The following ABHD2 variants were observed in gnomAD, a reference collection of about 807,000 sequenced individuals.
ABHD2 encodes monoacylglycerol lipase ABHD2.
In ABHD2, 20 loss-of-function variants were observed where a neutral mutation model predicts 48.1. That is an observed-to-expected ratio of 0.42 (90% confidence interval 0.29 to 0.60). The LOEUF is 0.60. ABHD2 is among the 20% of genes least tolerant of loss of function. The pLI is 0.24. For missense variants in ABHD2, 405 were observed against 550.9 expected, an observed-to-expected ratio of 0.74 and a Z score of 2.65; for synonymous variants, 209 against 214.2, an observed-to-expected ratio of 0.98 and a Z score of 0.21.
the ABHD2 span, among the ~76,000 whole-genome samples, chr15:89,051,689 G>T: frequency 3.3e-5 from 5 of 152,140 alleles, no homozygotes; most frequent in Non-Finnish European, 7.4e-5. Context: ...TTTTATAAAG[G>T]AGAGTTCCCC....
intron 5 of ABHD2, among the ~76,000 whole-genome samples, chr15:89,165,344 A>G (rs1180756859): frequency 6.6e-6 from 1 of 152,198 alleles, no homozygotes; most frequent in Non-Finnish European, 1.5e-5. Flanking sequence ...ATAGTTCATA[A>G]ATTCTTTAAA....
intron 3 of ABHD2, among the ~76,000 whole-genome samples, chr15:89,138,469 T>C (rs752894855): frequency 6.6e-6 from 1 of 152,242 alleles, no homozygotes; most frequent in Non-Finnish European, 1.5e-5. Context: ...TTTGGGGAGA[T>C]ATTCAGTATG....
At chr15:89,163,486 T>C (rs2050792802) in intron 5 of ABHD2, among the ~76,000 whole-genome samples, 1 of 152,156 alleles carries the variant, frequency 6.6e-6, no homozygotes, top group South Asian at 2.1e-4. Flanking sequence ...GCCTCAGAGG[T>C]AGGTTTTAAT....
chr15:89,195,619 C>T lies in ABHD2; in HGVS notation c.*196C>T, dbSNP rs1199269230. The T allele has an allele frequency of 2.1e-5, 12 of 559,966 alleles. No individual in the cohort carries two copies. Among genetic ancestry groups the T allele is most frequent in the Admixed American group, 3.4e-5 (1 of 29,070 alleles). The allele number at this position is 559,966 out of a possible 1,614,324, so 34.7% of individuals were successfully genotyped here. ...TCCAGGCTATTTTTGTGCTTAGTTA[C>T]TGGTTTTCTCCATTGCATTGTTAGG... is the stretch of plus-strand genomic sequence containing the variant. On this transcript the variant is annotated 3_prime_UTR_variant, in exon 11 of 11. Transcript: ENST00000352732. This position sits in a 1 kb window ranked among gnomAD's most constrained non-coding sequence, Gnocchi z 5.1.
At chr15:89,083,305 C>T (rs1299064954), upstream of ABHD2, among the ~76,000 whole-genome samples, 3 of 152,074 alleles carry the variant, frequency 2.0e-5, no homozygotes, top group East Asian at 1.9e-4. This position sits in a 1 kb window ranked among gnomAD's most constrained non-coding sequence, Gnocchi z 5.1. Flanking sequence ...CAAGTTTTAT[C>T]GACTGTTTTG....
chr15:89,074,002 C>A, the ABHD2 span, among the ~76,000 whole-genome samples: 1 of 152,160 alleles, frequency 6.6e-6, no homozygotes, highest in Non-Finnish European at 1.5e-5. Context: ...TTGGGATTGG[C>A]GGACCTGAAT....
At position 89,168,049 on chromosome 15, in the gene ABHD2, G is replaced by C. The variant is rs1567100873; in HGVS notation, c.539-7763G>C. On this transcript the variant is annotated intron_variant, in intron 5 of 10. Coordinates refer to ENST00000352732, the MANE Select transcript of ABHD2 (RefSeq NM_152924.5). This position sits in a 1 kb window ranked among gnomAD's most constrained non-coding sequence, Gnocchi z 4.8. ...ATGGAACATACAGAGATGACTCAGA[G>C]TCTCCATCCACAAGGAACACCAAGT... Among the ~76,000 whole-genome samples, 1 of 152,162 alleles carries C rather than the reference G, an allele frequency of 6.6e-6. No individual in the cohort carries two copies. The highest frequency in any genetic ancestry group is 1.5e-5 in the Non-Finnish European group (1 of 68,040).
At position 89,116,393 on chromosome 15, in the gene ABHD2, G is replaced by C. The variant is rs1308160704; in HGVS notation, c.66G>C (p.Val22=). ...AVFDGVKLAA[V]AAVLYVIVRC... ...TTGATGGAGTGAAGCTGGCTGCAGT[G>C]GCTGCTGTGCTGTACGTGATCGTCC... The change falls in exon 3 of 11, where the codon GTG becomes GTC. Residue 22 remains valine, a synonymous_variant. Transcript: ENST00000352732. This position sits in a 1 kb window ranked among gnomAD's most constrained non-coding sequence, Gnocchi z 4.6. The C allele has an allele frequency of 6.2e-7, 1 of 1,614,102 alleles. No homozygotes were observed. Among genetic ancestry groups the C allele is most frequent in the Non-Finnish European group, 8.5e-7 (1 of 1,180,052 alleles).
Position 89,182,950 on chromosome 15 carries a change from C to A in ABHD2, c.723-2474C>A, listed in dbSNP as rs371987468. Among the ~76,000 whole-genome samples the A allele has an allele frequency of 6.6e-6, 1 of 152,116 alleles. No homozygotes were observed. The highest frequency in any genetic ancestry group is 1.5e-5 in the Non-Finnish European group (1 of 68,014). On this transcript the variant is annotated intron_variant, in intron 6 of 10. Transcript: ENST00000352732. This position sits in a 1 kb window ranked among gnomAD's most constrained non-coding sequence, Gnocchi z 4.8. ...CCAGCTCCAATAACATGAATTCATA[C>A]CCCCATCTTGTTTCCTCTACACCTA...
At chr15:89,135,457 C>T (rs1257945932) in intron 3 of ABHD2, 4 of 707,222 alleles carry the variant, frequency 5.7e-6, no homozygotes, top group Non-Finnish European at 9.8e-6. Flanking sequence ...CACAGCCTTA[C>T]ATTTCAGTTT....
Position 89,188,143 on chromosome 15 carries a change from T to G in ABHD2, c.816-50T>G, listed in dbSNP as rs1274778134. 1.4e-5 allele frequency: 22 copies of G among 1,532,758 alleles called. No homozygotes were observed. The highest frequency in any genetic ancestry group is 1.9e-5 in the Non-Finnish European group (21 of 1,106,854). The allele number at this position is 1,532,758 out of a possible 1,614,324, so 94.9% of individuals were successfully genotyped here. On this transcript the variant is annotated intron_variant, in intron 7 of 10. Coordinates refer to ENST00000352732, the MANE Select transcript of ABHD2 (RefSeq NM_152924.5). The surrounding 1 kb of genome is among the most constrained non-coding windows in gnomAD (Gnocchi z 4.1). ...GGCAAGGAAGCAGGCTATGCCATGG[T>G]TGTTCATCCTCCACATCTTAATCTC...
chr15:89,120,593 T>C lies in ABHD2; in HGVS notation c.194+4072T>C, dbSNP rs2050034146. Among the ~76,000 whole-genome samples the C allele has an allele frequency of 6.6e-6, 1 of 152,144 alleles. No homozygotes were observed. The highest frequency in any genetic ancestry group is 6.6e-5 in the Admixed American group (1 of 15,262). Reference sequence around the variant, plus strand: ...CTTCTGCCTCACGGGTTCAAGTGATTCTCCTACCTCAGCCTCCTGAGTAGC... The same window carrying C: ...CTTCTGCCTCACGGGTTCAAGTGATCCTCCTACCTCAGCCTCCTGAGTAGC... On this transcript the variant is annotated intron_variant, in intron 3 of 10. Transcript: ENST00000352732. This position sits in a 1 kb window ranked among gnomAD's most constrained non-coding sequence, Gnocchi z 4.2.
At chr15:89,161,819 G>C (rs1003076984) in intron 5 of ABHD2, among the ~76,000 whole-genome samples, 25 of 152,202 alleles carry the variant, frequency 1.6e-4, no homozygotes, top group African/African-American at 5.5e-4. Context: ...TGTTAGGACT[G>C]CAATATCCAA....
chr15:89,071,147 C>T, the ABHD2 span, among the ~76,000 whole-genome samples: 2 of 152,104 alleles, frequency 1.3e-5, no homozygotes, highest in East Asian at 1.9e-4. Context: ...TGGCCGGGCA[C>T]GGTGGCTCAC....
chr15:89,188,203 T>C lies in ABHD2; in HGVS notation c.826T>C (p.Phe276Leu). Reference protein sequence around the residue: ...KIILSHRQALFGDHVKKPQSL... With the variant: ...KIILSHRQALLGDHVKKPQSL... ...TTGTGTTTGCTCTAGGCAAGCTCTT[T>C]TTGGAGACCATGTTAAGAAACCCCA... is the stretch of plus-strand genomic sequence containing the variant. Residue 276 changes from phenylalanine to leucine, a missense_variant, in exon 8 of 11, where the codon TTT (phenylalanine) becomes CTT (leucine). Transcript: ENST00000352732. This position sits in a 1 kb window ranked among gnomAD's most constrained non-coding sequence, Gnocchi z 4.1. The C allele has an allele frequency of 6.2e-7, 1 of 1,614,216 alleles. No homozygotes were observed. Among genetic ancestry groups the C allele is most frequent in the Non-Finnish European group, 8.5e-7 (1 of 1,180,020 alleles).
chr15:89,090,968 A>AGT (rs1901574587), intron 1 of ABHD2, among the ~76,000 whole-genome samples: 1 of 152,214 alleles, frequency 6.6e-6, no homozygotes, highest in South Asian at 2.1e-4. Context: ...CAGAAGCAAA[A>AGT]GTGTGTGACT....
In ABHD2 at chr15:89,155,620, T is replaced by A. The variant is rs1469768583; in HGVS notation, c.538+86T>A. The A allele has an allele frequency of 3.3e-6, 5 of 1,505,040 alleles. No individual in the cohort carries two copies. In the East Asian group the frequency reaches 1.1e-4, roughly 34 times the overall value. 93.2% of individuals were successfully genotyped at this position (1,505,040 alleles called of 1,614,324 possible). On this transcript the variant is annotated intron_variant, in intron 5 of 10. Coordinates refer to ENST00000352732, the MANE Select transcript of ABHD2 (RefSeq NM_152924.5). The surrounding 1 kb of genome is among the most constrained non-coding windows in gnomAD (Gnocchi z 4.9). ...GCCTTGTTTTTTCTTTTTTTAAGTT[T>A]TAAACCTATGCCCATCTGCAAGAGA...
At chr15:89,125,374 G>A (rs1331772654) in intron 3 of ABHD2, among the ~76,000 whole-genome samples, 1 of 152,158 alleles carries the variant, frequency 6.6e-6, no homozygotes, top group Non-Finnish European at 1.5e-5. Flanking sequence ...GACCTTCAGA[G>A]CATATTCACC....
chr15:89,075,920 G>A, the ABHD2 span, among the ~76,000 whole-genome samples: 1 of 152,242 alleles, frequency 6.6e-6, no homozygotes, highest in East Asian at 1.9e-4. The surrounding 1 kb of genome is among the most constrained non-coding windows in gnomAD (Gnocchi z 4.1). Flanking sequence ...GTCAAGTAAA[G>A]AAGAACTGAA....
Sources: allele counts gnomAD v4.1 joint callset (sites outside exome capture counted in the v4.1 genomes callset), GRCh38; gene constraint gnomAD v4.1.1; non-coding constraint Gnocchi (gnomAD v3.1); transcripts MANE v1.5; gene names NCBI Gene and HGNC (gene_info 2026-07-23, HGNC 2026-07-21).